CBFA2T2: variants seen among roughly 807,000 people sequenced by gnomAD.
CBFA2T2 encodes protein CBFA2T2.
A neutral mutation model predicts 62.2 loss-of-function variants in CBFA2T2; 11 were observed. The observed-to-expected ratio is 0.18, with a 90% confidence interval of 0.11 to 0.29. The LOEUF is 0.29. CBFA2T2 is among the 10% of genes least tolerant of loss of function. The pLI, the probability that CBFA2T2 is intolerant of heterozygous loss-of-function variation, is 1.00. For synonymous variants in CBFA2T2, 295 were observed against 287.5 expected (o/e 1.03, Z -0.27); for missense variants, 592 against 774.1 (o/e 0.76, Z 2.79).
chr20:33,589,726 T>A (rs936027387), intron 1 of CBFA2T2, among the ~76,000 whole-genome samples: 2 of 152,204 alleles, frequency 1.3e-5, no homozygotes, highest in African/African-American at 4.8e-5. Context: ...AATCCTGATC[T>A]GTCTGAATCC....
Position 33,629,780 on chromosome 20 carries a change from G to A in CBFA2T2, c.1094G>A (p.Arg365His), listed in dbSNP as rs145709031. The A allele has an allele frequency of 2.3e-4, 378 of 1,614,150 alleles. No homozygotes were observed. Among genetic ancestry groups the A allele is most frequent in the Non-Finnish European group, 2.8e-4 (328 of 1,180,030 alleles). Residue 365 changes from arginine (R) to histidine (H), a missense_variant, in exon 8 of 11, where the codon CGC becomes CAC. By Grantham distance (29) the Arg-to-His change is conservative. This residue lies in a region of CBFA2T2 where 449 missense variants were observed against 551.2 expected (regional missense o/e 0.81). Transcript: ENST00000342704. The part of the protein sequence containing the change: ...KTRRSMAVLR[R>H]CQESDREELN... Reference sequence around the variant, plus strand: ...AGGCGCTCTATGGCAGTTCTGCGGCGCTGTCAGGAATCAGATCGTGAAGAA... The same window carrying A: ...AGGCGCTCTATGGCAGTTCTGCGGCACTGTCAGGAATCAGATCGTGAAGAA...
intron 1 of CBFA2T2, among the ~76,000 whole-genome samples, chr20:33,495,630 G>A (rs2011192200): frequency 6.6e-6 from 1 of 152,100 alleles, no homozygotes; most frequent in African/African-American, 2.4e-5. Flanking sequence ...TGCGGAGGTT[G>A]CAGTGTGCTG....
At chr20:33,550,573 TCAA>T (rs2012711456) in intron 1 of CBFA2T2, among the ~76,000 whole-genome samples, 1 of 152,210 alleles carries the variant, frequency 6.6e-6, no homozygotes, top group African/African-American at 2.4e-5. Context: ...GTACATTTGG[TCAA>T]CAAATAACTC....
intron 9 of CBFA2T2, among the ~76,000 whole-genome samples, chr20:33,637,736 C>T (rs6059393): frequency 1.3e-4 from 20 of 150,462 alleles, no homozygotes; most frequent in African/African-American, 3.7e-4. Flanking sequence ...GGTGTGATCT[C>T]GGCTCACTGC....
At chr20:33,624,631 T>G (rs1019630687) in intron 5 of CBFA2T2, 133 bp from the exon 6 acceptor site, 1 of 953,554 alleles carries the variant, frequency 1.0e-6, no homozygotes, top group Admixed American at 2.2e-5. Flanking sequence ...ATGCCTCATG[T>G]CACACCTTTC....
intron 1 of CBFA2T2, among the ~76,000 whole-genome samples, chr20:33,497,018 A>G (rs2011207081): frequency 6.6e-6 from 1 of 152,080 alleles, no homozygotes; most frequent in African/African-American, 2.4e-5. Flanking sequence ...TCATGCCTGT[A>G]ATCCCAGTAC....
chr20:33,631,623 C>T (rs146911860), intron 8 of CBFA2T2, among the ~76,000 whole-genome samples: 76 of 151,780 alleles, frequency 5.0e-4, no homozygotes, highest in African/African-American at 1.8e-3. Flanking sequence ...CACTACTCAC[C>T]TTTCTCACCT....
intron 1 of CBFA2T2, among the ~76,000 whole-genome samples, chr20:33,577,054 T>A (rs1365131860): frequency 1.3e-5 from 2 of 152,248 alleles, no homozygotes; most frequent in Admixed American, 1.3e-4. Context: ...ACTGAAATGT[T>A]TGCCAAAGAA....
At chr20:33,560,294 C>G (rs894388287) in intron 1 of CBFA2T2, among the ~76,000 whole-genome samples, 1 of 152,194 alleles carries the variant, frequency 6.6e-6, no homozygotes, top group Non-Finnish European at 1.5e-5. Context: ...TCCAAGACAG[C>G]CAGCAGCATC....
At chr20:33,635,645 A>G (rs1314565891) in intron 8 of CBFA2T2, among the ~76,000 whole-genome samples, 1 of 152,206 alleles carries the variant, frequency 6.6e-6, no homozygotes, top group African/African-American at 2.4e-5. Context: ...AGACAGGAAA[A>G]TTGCTTGAGG....
At chr20:33,596,417 A>T (rs748962831) in intron 1 of CBFA2T2, among the ~76,000 whole-genome samples, 5 of 152,262 alleles carry the variant, frequency 3.3e-5, no homozygotes, top group Non-Finnish European at 5.9e-5. Flanking sequence ...TGGTCTAATC[A>T]TTATAATAAC....
intron 8 of CBFA2T2, among the ~76,000 whole-genome samples, chr20:33,630,727 C>T (rs1183277450): frequency 2.6e-5 from 4 of 152,236 alleles, no homozygotes; most frequent in East Asian, 1.9e-4. Flanking sequence ...ACTCTTCCCA[C>T]GCACTCTGAG....
Position 33,648,324 on chromosome 20 carries a change from A to T in CBFA2T2, c.*3678A>T, listed in dbSNP as rs2017121954. On this transcript the variant is annotated 3_prime_UTR_variant, in exon 11 of 11. Transcript: ENST00000342704. ...CAGCACCACCCGCCAAGGAACACTG[A>T]TGAGTTGTGGGACATTATGGTCGGC... The T allele has an allele frequency of 6.6e-6, 1 of 152,302 alleles. No homozygotes were observed. Among genetic ancestry groups the T allele is most frequent in the South Asian group, 2.1e-4 (1 of 4,834 alleles). 9.4% of individuals were successfully genotyped at this position (152,302 alleles called of 1,614,324 possible). A position where few individuals can be genotyped will look rare whatever the true frequency, so the allele number is the denominator to read the frequency against.
intron 1 of CBFA2T2, among the ~76,000 whole-genome samples, chr20:33,537,107 A>C (rs566486830): frequency 1.3e-5 from 2 of 152,320 alleles, no homozygotes; most frequent in East Asian, 1.9e-4. Flanking sequence ...AGAGGCTGCA[A>C]TCTCGGCACT....
At chr20:33,545,238 A>G (rs1394143147) in intron 1 of CBFA2T2, among the ~76,000 whole-genome samples, 1 of 152,216 alleles carries the variant, frequency 6.6e-6, no homozygotes, top group Non-Finnish European at 1.5e-5. Context: ...ATAAAACATT[A>G]AATAGAAAAG....
rs368298951 is a variant in CBFA2T2 at position 33,522,833 on chromosome 20, A to G, written c.34+32532A>G. On this transcript the variant is annotated intron_variant, in intron 1 of 10. Transcript: ENST00000342704. The stretch of plus-strand genomic sequence containing the variant: ...TTATACCATTGAGATGCATGAAGAG[A>G]GCTAGTAGTTTTGCCTATCATACTT... Among the ~76,000 whole-genome samples, 44 of 152,288 alleles carry G rather than the reference A, an allele frequency of 2.9e-4. No homozygotes were observed. The East Asian group carries it at 4.6e-3, about 16-fold the overall frequency.
chr20:33,556,550 T>G (rs1215792384), intron 1 of CBFA2T2, among the ~76,000 whole-genome samples: 1 of 152,202 alleles, frequency 6.6e-6, no homozygotes, highest in African/African-American at 2.4e-5. Flanking sequence ...TTCATTAGTT[T>G]TCTATTCACT....
At chr20:33,491,007 T>A (rs1166831513) in intron 1 of CBFA2T2, among the ~76,000 whole-genome samples, 1 of 152,174 alleles carries the variant, frequency 6.6e-6, no homozygotes, top group Non-Finnish European at 1.5e-5. Context: ...TGTTAAGATT[T>A]TGTTTTGTTG....
intron 1 of CBFA2T2, among the ~76,000 whole-genome samples, chr20:33,551,668 A>AT (rs761477389): frequency 4.6e-5 from 7 of 151,666 alleles, no homozygotes; most frequent in Non-Finnish European, 1.0e-4. Context: ...CGTAGCTGGG[A>AT]TTACAGGCGT....
Sources: gnomAD v4.1 joint callset for allele counts (sites outside exome capture counted in the v4.1 genomes callset) on GRCh38, gnomAD v4.1.1 for gene constraint, gnomAD v4.1.1 regional missense constraint, MANE v1.5 for transcripts, NCBI Gene and HGNC (gene_info 2026-07-23, HGNC 2026-07-21) for gene names.